Variants in RAI2 observed in about 807,000 individuals in gnomAD.
RAI2 encodes the protein retinoic acid-induced protein 2.
RAI2 carries 5 observed loss-of-function variants against 15.3 expected under a neutral mutation model. The observed-to-expected ratio is 0.33, with a 90% CI of 0.17 to 0.69. The LOEUF is 0.69. Ranked by LOEUF, RAI2 falls within the 30% of genes least tolerant of loss-of-function variation. The pLI, the probability that RAI2 is intolerant of heterozygous loss-of-function variation, is 0.69. For synonymous variants in RAI2, 191 were observed against 184.0 expected, an observed-to-expected ratio of 1.04 and a Z score of -0.31; for missense variants, 424 against 424.7, an observed-to-expected ratio of 1.00 and a Z score of 0.01.
At chrX:17,831,145 G>A (rs1182677512) in intron 1 of RAI2, among the ~76,000 whole-genome samples, 1 of 111,704 alleles carries the variant, frequency 9.0e-6, no homozygotes, top group Admixed American at 9.5e-5. Context: ...CTCTGATACT[G>A]GAATAAATGT....
intron 1 of RAI2, among the ~76,000 whole-genome samples, chrX:17,829,277 G>GAA (rs11479454): frequency 3.4e-4 from 18 of 52,207 alleles, no homozygotes; most frequent in East Asian, 1.4e-3. Context: ...CATCTGTATG[G>GAA]AAAAAAAAAA....
At chrX:17,845,530 C>T (rs2067446827) in intron 1 of RAI2, among the ~76,000 whole-genome samples, 1 of 112,459 alleles carries the variant, frequency 8.9e-6, no homozygotes, top group Admixed American at 9.4e-5. Flanking sequence ...AAATCCCTTT[C>T]ATTAGCTTCC....
chrX:17,805,724 T>C (rs1486312456), intron 1 of RAI2, among the ~76,000 whole-genome samples: 1 of 112,160 alleles, frequency 8.9e-6, no homozygotes, highest in Non-Finnish European at 1.9e-5. Context: ...TTCCACCTCC[T>C]TCAACAGGAC....
chrX:17,811,905 TTCTC>T (rs1453438659), intron 1 of RAI2, among the ~76,000 whole-genome samples: 1 of 110,768 alleles, frequency 9.0e-6, no homozygotes, highest in Non-Finnish European at 1.9e-5. Context: ...CAGCCTCAGT[TTCTC>T]TCTGTGTAAA....
chrX:17,802,546 G>C lies in RAI2; in HGVS notation c.-24-512C>G, dbSNP rs180934416. 2.0e-4 allele frequency among the ~76,000 whole-genome samples: 23 copies of C among 112,233 alleles called. No individual in the cohort carries two copies. In the East Asian group the frequency reaches 6.2e-3, roughly 30 times the overall value. ...CTGTAGCAATCATTCTTCCAAAAGA[G>C]GTTTGATAAGCACAAGGGTCATTAC... On this transcript the variant is annotated intron_variant, in intron 1 of 1. Coordinates refer to ENST00000451717, the MANE Select transcript of RAI2 (RefSeq NM_021785.6).
At chrX:17,855,049 C>T (rs1314412836) in intron 1 of RAI2, among the ~76,000 whole-genome samples, 1 of 112,020 alleles carries the variant, frequency 8.9e-6, no homozygotes, top group Non-Finnish European at 1.9e-5. Flanking sequence ...CAGCCAAAAT[C>T]CTTCTTCTAC....
At chrX:17,802,140 G>T in intron 1 of RAI2, 106 bp from the exon 2 acceptor site, 1 of 954,859 alleles carries the variant, frequency 1.0e-6, no homozygotes, top group Non-Finnish European at 1.4e-6. Flanking sequence ...AGTTAACCAG[G>T]GAGCATAACC....
rs2067685056 is a variant in RAI2, at chrX:17,861,088, C to T, written c.-25+10G>A. On this transcript the variant is annotated intron_variant, in intron 1 of 1. Coordinates refer to ENST00000451717, the MANE Select transcript of RAI2 (RefSeq NM_021785.6). ...GACCCCGGCCCGCACGGGGGCGCCG[C>T]GGCCACTACCTCGCAATCGCGGCCG... 1 of 107,059 alleles carries T rather than the reference C, an allele frequency of 9.3e-6. No homozygotes were observed. Among genetic ancestry groups the T allele is most frequent in the Non-Finnish European group, 2.0e-5 (1 of 51,175 alleles). The allele number at this position is 107,059 out of a possible 1,213,427, so 8.8% of individuals were successfully genotyped here.
At chrX:17,832,118 G>A (rs1187165835) in intron 1 of RAI2, among the ~76,000 whole-genome samples, 1 of 112,119 alleles carries the variant, frequency 8.9e-6, no homozygotes, top group Non-Finnish European at 1.9e-5. Flanking sequence ...CCCAAACCTT[G>A]CAAGGTGCAT....
At chrX:17,841,900 T>A (rs749157300) in intron 1 of RAI2, among the ~76,000 whole-genome samples, 1 of 112,779 alleles carries the variant, frequency 8.9e-6, no homozygotes, top group South Asian at 3.7e-4. Context: ...TCAGAAATCT[T>A]CCTATGGCTC....
At chrX:17,828,115 GGCCCCCGCA>G (rs1184587403) in intron 1 of RAI2, among the ~76,000 whole-genome samples, 3 of 111,103 alleles carry the variant, frequency 2.7e-5, no homozygotes, top group Non-Finnish European at 3.8e-5. Flanking sequence ...CCATGGGACA[GGCCCCCGCA>G]GCACAAAATA....
intron 1 of RAI2, among the ~76,000 whole-genome samples, chrX:17,809,237 G>GAC (rs894544705): frequency 4.4e-5 from 5 of 112,389 alleles, no homozygotes; most frequent in Admixed American, 2.8e-4. Flanking sequence ...TGAGTTCCCT[G>GAC]ACACGCTAAT....
At chrX:17,816,427 G>C (rs2067108266) in intron 1 of RAI2, among the ~76,000 whole-genome samples, 1 of 112,212 alleles carries the variant, frequency 8.9e-6, no homozygotes, top group African/African-American at 3.2e-5. Flanking sequence ...TGCGTGCAGA[G>C]AGCAGGTGGG....
At chrX:17,827,512 A>G (rs767548626) in intron 1 of RAI2, among the ~76,000 whole-genome samples, 57 of 112,147 alleles carry the variant, frequency 5.1e-4, no homozygotes, top group African/African-American at 1.8e-3. Flanking sequence ...CCTCACAAAC[A>G]CCCCCAAAAG....
chrX:17,816,785 TC>T (rs1205704383), intron 1 of RAI2, among the ~76,000 whole-genome samples: 2 of 111,731 alleles, frequency 1.8e-5, no homozygotes, highest in African/African-American at 6.5e-5. Flanking sequence ...CTCATCTTCT[TC>T]CTGGACTACA....
intron 1 of RAI2, among the ~76,000 whole-genome samples, chrX:17,855,887 G>A (rs775445786): frequency 1.8e-5 from 2 of 111,761 alleles, no homozygotes; most frequent in Admixed American, 9.4e-5. Flanking sequence ...TTCTTTTTTT[G>A]TATTAAGTCA....
rs775178203 is a variant in RAI2, at chrX:17,800,976, C to G, written c.1035G>C (p.Leu345=). Residue 345 remains leucine (L), a synonymous_variant, in exon 2 of 2, where the codon CTG becomes CTC. Coordinates refer to ENST00000451717, the MANE Select transcript of RAI2 (RefSeq NM_021785.6). ...CGGATTTCCGGTGGGCTGCCACTGA[C>G]AGGTCTAGGGCTGCATCTTCCTGGA... is the stretch of plus-strand genomic sequence containing the variant. The part of the protein sequence containing the change: ...PIFQEDAALD[L]SVAAHRKSEP... 2.5e-6 allele frequency: 3 copies of G among 1,210,978 alleles called. No individual in the cohort carries two copies. The highest frequency in any genetic ancestry group is 1.8e-5 in the South Asian group (1 of 56,925).
chrX:17,802,123 A>G, intron 1 of RAI2, 89 bp from the exon 2 acceptor site: 1 of 1,047,235 alleles, frequency 9.5e-7, no homozygotes, highest in South Asian at 2.4e-5. Context: ...GAAAGTTTCC[A>G]CGTTTTAGTT....
chrX:17,847,531 C>T (rs973781544), intron 1 of RAI2, among the ~76,000 whole-genome samples: 1 of 112,911 alleles, frequency 8.9e-6, no homozygotes, highest in African/African-American at 3.2e-5. Flanking sequence ...GTTTCTTCAT[C>T]CCACAAATGA....
Sources: gnomAD v4.1 joint callset for allele counts (sites outside exome capture counted in the v4.1 genomes callset) on GRCh38, gnomAD v4.1.1 for gene constraint, MANE v1.5 for transcripts, NCBI Gene and HGNC (gene_info 2026-07-23, HGNC 2026-07-21) for gene names.